Variants in GNAQ observed in about 807,000 individuals in gnomAD.
The protein encoded by GNAQ is G protein subunit alpha q.
GNAQ carries 8 observed loss-of-function variants against 43.9 expected under a neutral mutation model. The observed-to-expected ratio is 0.18, with a 90% CI of 0.11 to 0.33. The LOEUF (loss-of-function observed/expected upper bound fraction) is 0.33. GNAQ is among the 10% of genes least tolerant of loss of function. GNAQ has a pLI of 1.00. For synonymous variants in GNAQ, 155 were observed against 170.7 expected (o/e 0.91, Z 0.71); for missense variants, 158 against 450.8 (o/e 0.35, Z 5.88).
chr9:77,794,935 C>T (rs978798953), intron 4 of GNAQ, among the ~76,000 whole-genome samples: 3 of 152,084 alleles, frequency 2.0e-5, no homozygotes, highest in Non-Finnish European at 4.4e-5. Flanking sequence ...GTGTTAAGCC[C>T]TACTGGCAAA....
intron 2 of GNAQ, among the ~76,000 whole-genome samples, chr9:77,897,984 A>G (rs2118142832): frequency 6.6e-6 from 1 of 152,022 alleles, no homozygotes; most frequent in South Asian, 2.1e-4. Context: ...TCCTTCATTT[A>G]AGATAAAGAA....
At chr9:77,993,246 A>G (rs2118528863) in intron 1 of GNAQ, among the ~76,000 whole-genome samples, 1 of 152,270 alleles carries the variant, frequency 6.6e-6, no homozygotes, top group Admixed American at 6.5e-5. Flanking sequence ...CAATTTTTTA[A>G]TTAGCTGTCA....
intron 1 of GNAQ, among the ~76,000 whole-genome samples, chr9:77,953,469 G>A (rs1196785443): frequency 6.6e-6 from 1 of 152,180 alleles, no homozygotes; most frequent in Non-Finnish European, 1.5e-5. Flanking sequence ...ACATGGAGGA[G>A]AGGTGTGTTT....
In GNAQ at chr9:77,997,503, C is replaced by T. The variant is rs182793738; in HGVS notation, c.136+33597G>A. On this transcript the variant is annotated intron_variant, in intron 1 of 6. Coordinates refer to ENST00000286548, the MANE Select transcript of GNAQ (RefSeq NM_002072.5). The stretch of plus-strand genomic sequence containing the variant: ...CTTTTTCCCCATCAGGGCTTGGCAT[C>T]CACACCTTAGCAGGTAAGGTACAGG... Among the ~76,000 whole-genome samples the T allele has an allele frequency of 1.6e-4, 24 of 152,288 alleles. No homozygotes were observed. In the East Asian group the frequency reaches 4.4e-3, roughly 28 times the overall value.
chr9:77,950,002 A>G (rs2118376986), intron 1 of GNAQ, among the ~76,000 whole-genome samples: 1 of 152,090 alleles, frequency 6.6e-6, no homozygotes. Context: ...CCCCTCCTCC[A>G]GCTCCATTCC....
At chr9:77,858,857 C>G (rs970101727) in intron 2 of GNAQ, among the ~76,000 whole-genome samples, 1 of 152,044 alleles carries the variant, frequency 6.6e-6, no homozygotes, top group African/African-American at 2.4e-5. Flanking sequence ...TAACTCAGGC[C>G]CTCTTCAAAG....
intron 4 of GNAQ, among the ~76,000 whole-genome samples, chr9:77,796,261 G>A (rs1273355150): frequency 1.3e-5 from 2 of 152,296 alleles, no homozygotes; most frequent in South Asian, 2.1e-4. Context: ...AGGCCGATTA[G>A]AAGAAAACAC....
At chr9:77,767,183 T>TAAG (rs1826150454) in intron 5 of GNAQ, among the ~76,000 whole-genome samples, 1 of 152,132 alleles carries the variant, frequency 6.6e-6, no homozygotes, top group Non-Finnish European at 1.5e-5. Context: ...GGCGGCCCTC[T>TAAG]AGGTTCCCCC....
intron 5 of GNAQ, among the ~76,000 whole-genome samples, chr9:77,762,566 T>G (rs1826060723): frequency 6.7e-6 from 1 of 148,988 alleles, no homozygotes; most frequent in South Asian, 2.2e-4. Flanking sequence ...GAGGAGCCCC[T>G]CTGCCCGGCC....
In GNAQ at chr9:78,004,292, AAATT is replaced by A. The variant is rs987633468; in HGVS notation, c.136+26804_136+26807del. Among the ~76,000 whole-genome samples the A allele has an allele frequency of 2.0e-4, 30 of 152,076 alleles. No homozygotes were observed. In the South Asian group the frequency reaches 5.2e-3, roughly 26 times the overall value. On this transcript the variant is annotated intron_variant, in intron 1 of 6. Transcript: ENST00000286548. ...ACTCTGTCTCAAAAAAAAAAAAAAA[AAATT>A]AATTAAGTTAAATGCTCCAGCTACC...
chr9:77,879,738 T>C (rs1330341472), intron 2 of GNAQ, among the ~76,000 whole-genome samples: 1 of 152,212 alleles, frequency 6.6e-6, no homozygotes, highest in Non-Finnish European at 1.5e-5. Flanking sequence ...AGTAGTCCCT[T>C]GAGAGGCAGA....
chr9:77,786,349 C>G (rs1322000201), intron 5 of GNAQ, among the ~76,000 whole-genome samples: 1 of 140,318 alleles, frequency 7.1e-6, no homozygotes, highest in Non-Finnish European at 1.5e-5. Context: ...GAGTGAGACT[C>G]TGTCTCAAAA....
chr9:77,853,781 A>AC (rs1827708805), intron 2 of GNAQ, among the ~76,000 whole-genome samples: 2 of 149,496 alleles, frequency 1.3e-5, no homozygotes, highest in Non-Finnish European at 3.0e-5. Context: ...TACCAAAAAA[A>AC]AAAAAAAAAA....
At chr9:77,966,623 T>C (rs951882428) in intron 1 of GNAQ, among the ~76,000 whole-genome samples, 1 of 152,030 alleles carries the variant, frequency 6.6e-6, no homozygotes, top group African/African-American at 2.4e-5. Flanking sequence ...GGAAAGTAAA[T>C]AGGGCATTAA....
At chr9:77,953,615 G>A (rs1280123351) in intron 1 of GNAQ, among the ~76,000 whole-genome samples, 1 of 152,190 alleles carries the variant, frequency 6.6e-6, no homozygotes, top group African/African-American at 2.4e-5. Context: ...ACCAGGCAGT[G>A]AATCCCTGCA....
chr9:77,989,914 C>T (rs1823487914), intron 1 of GNAQ, among the ~76,000 whole-genome samples: 1 of 152,148 alleles, frequency 6.6e-6, no homozygotes, highest in African/African-American at 2.4e-5. Flanking sequence ...TTATTTACTC[C>T]TTTTCATCAT....
chr9:77,870,631 G>A (rs1390624147), intron 2 of GNAQ, among the ~76,000 whole-genome samples: 2 of 151,912 alleles, frequency 1.3e-5, no homozygotes, highest in Non-Finnish European at 2.9e-5. Context: ...CGCCTTTGGT[G>A]CTAGTTTTTT....
chr9:77,856,424 T>G (rs1423449996), intron 2 of GNAQ, among the ~76,000 whole-genome samples: 1 of 152,204 alleles, frequency 6.6e-6, no homozygotes, highest in African/African-American at 2.4e-5. Flanking sequence ...GGATGTGTTT[T>G]TAACTATTAC....
intron 1 of GNAQ, among the ~76,000 whole-genome samples, chr9:77,975,535 C>CA (rs1350400111): frequency 7.1e-6 from 1 of 140,552 alleles, no homozygotes. Flanking sequence ...ATCAGCCCCC[C>CA]CTTTTTTTTT....
Sources: allele counts gnomAD v4.1 joint callset (sites outside exome capture counted in the v4.1 genomes callset), GRCh38; gene constraint gnomAD v4.1.1; transcripts MANE v1.5; gene names NCBI Gene and HGNC (gene_info 2026-07-23, HGNC 2026-07-21).